The following EPAS1 variants were observed in gnomAD, a reference collection of about 807,000 sequenced individuals.
The protein encoded by EPAS1 is endothelial PAS domain protein 1, also known as endothelial PAS domain-containing protein 1.
In EPAS1, 23 loss-of-function variants were observed where a neutral mutation model predicts 87.9. The ratio of observed to expected loss-of-function variants is 0.26; its 90% confidence interval spans 0.19 to 0.37. The LOEUF is 0.37. EPAS1 is among the 10% of genes least tolerant of loss of function. EPAS1 has a pLI of 1.00. For synonymous variants in EPAS1, 508 were observed against 444.3 expected, an observed-to-expected ratio of 1.14 and a Z score of -1.80; for missense variants, 1,138 against 1,120.7, an observed-to-expected ratio of 1.02 and a Z score of -0.22.
At chr2:46,327,095 A>G (rs1263968056) in intron 1 of EPAS1, among the ~76,000 whole-genome samples, 1 of 152,224 alleles carries the variant, frequency 6.6e-6, no homozygotes, top group Non-Finnish European at 1.5e-5. Flanking sequence ...ACCTTGAGCT[A>G]GTGACTTACA....
chr2:46,351,396 G>A (rs1684141937), intron 2 of EPAS1, among the ~76,000 whole-genome samples: 1 of 152,164 alleles, frequency 6.6e-6, no homozygotes, highest in Non-Finnish European at 1.5e-5. Flanking sequence ...GACTCTCAGG[G>A]AGCCCAGGAA....
intron 7 of EPAS1, among the ~76,000 whole-genome samples, chr2:46,374,703 G>A (rs2103660242): frequency 6.6e-6 from 1 of 152,278 alleles, no homozygotes; most frequent in South Asian, 2.1e-4. Flanking sequence ...AAATTCCCAA[G>A]GAATGGGCAG....
intron 2 of EPAS1, among the ~76,000 whole-genome samples, chr2:46,349,278 T>A (rs1684096995): frequency 6.6e-6 from 1 of 152,146 alleles, no homozygotes; most frequent in African/African-American, 2.4e-5. Context: ...ATGCTTGCCC[T>A]CCTGAGCCTG....
At chr2:46,298,691 A>G (rs949063150) in intron 1 of EPAS1, among the ~76,000 whole-genome samples, 8 of 152,202 alleles carry the variant, frequency 5.3e-5, no homozygotes, top group African/African-American at 1.9e-4. Flanking sequence ...GGCAGCCACG[A>G]TCTGCCCGCC....
At chr2:46,325,570 A>G (rs1349300486) in intron 1 of EPAS1, among the ~76,000 whole-genome samples, 3 of 152,160 alleles carry the variant, frequency 2.0e-5, no homozygotes, top group African/African-American at 4.8e-5. Flanking sequence ...GGGTAATTGT[A>G]TGGTAGCTAG....
At chr2:46,321,697 C>T (rs1346645426) in intron 1 of EPAS1, among the ~76,000 whole-genome samples, 1 of 151,098 alleles carries the variant, frequency 6.6e-6, no homozygotes, top group Non-Finnish European at 1.5e-5. Context: ...CCCACCCCCG[C>T]ACCCCCACAA....
chr2:46,380,736 G>A lies in EPAS1; in HGVS notation c.2045+19G>A. Reference sequence around the variant, plus strand: ...AGACAAGGTAAGTGGCAGATACTCAGCTGTACCAGCAGGGCCGAACCGAGA... The same window carrying A: ...AGACAAGGTAAGTGGCAGATACTCAACTGTACCAGCAGGGCCGAACCGAGA... On this transcript the variant is annotated intron_variant, in intron 12 of 15. Transcript: ENST00000263734. This position sits in a 1 kb window ranked among gnomAD's most constrained non-coding sequence, Gnocchi z 4.4. The A allele has an allele frequency of 1.2e-6, 2 of 1,606,314 alleles. No homozygotes were observed.
intron 4 of EPAS1, among the ~76,000 whole-genome samples, chr2:46,359,763 G>A (rs1684350578): frequency 6.6e-6 from 1 of 152,166 alleles, no homozygotes; most frequent in African/African-American, 2.4e-5. Flanking sequence ...CTGGGTAGGG[G>A]GCAGGATTAT....
chr2:46,376,504 G>T, intron 8 of EPAS1, 35 bp from the exon 9 acceptor site: 1 of 1,610,260 alleles, frequency 6.2e-7, no homozygotes, highest in Non-Finnish European at 8.5e-7. Context: ...TCTAGAAAAT[G>T]TGGAAAGTCT....
chr2:46,314,048 A>T (rs1683267509), intron 1 of EPAS1, among the ~76,000 whole-genome samples: 1 of 152,020 alleles, frequency 6.6e-6, no homozygotes. Context: ...GAAACAACTG[A>T]GGCACAAAAA....
In EPAS1 at chr2:46,380,938, G is replaced by C. The variant is rs985805875; in HGVS notation, c.2045+221G>C. Reference sequence around the variant, plus strand: ...GCTGCCACTGAGGGCAGGCAAAGAAGTGGCTTGTTGAGAGCCCTGTACCTC... The same window carrying C: ...GCTGCCACTGAGGGCAGGCAAAGAACTGGCTTGTTGAGAGCCCTGTACCTC... On this transcript the variant is annotated intron_variant, in intron 12 of 15. Transcript: ENST00000263734. The surrounding 1 kb of genome is among the most constrained non-coding windows in gnomAD (Gnocchi z 4.4). Among the ~76,000 whole-genome samples the C allele has an allele frequency of 6.6e-6, 1 of 152,192 alleles. No individual in the cohort carries two copies. The highest frequency in any genetic ancestry group is 2.4e-5 in the African/African-American group (1 of 41,438).
chr2:46,356,127 T>TGGGG, intron 2 of EPAS1, 24 bp from the exon 3 acceptor site: 331 of 1,394,398 alleles, frequency 2.4e-4, no homozygotes, highest in Non-Finnish European at 3.0e-4. Context: ...TCATGCAAGC[T>TGGGG]GTCCCACCCC....
In EPAS1 at chr2:46,380,283, G is replaced by A. The variant is rs148051585; in HGVS notation, c.1611G>A (p.Gly537=). Residue 537 remains glycine (G), a synonymous_variant, in exon 12 of 16, where the codon GGG becomes GGA. Coordinates refer to ENST00000263734, the MANE Select transcript of EPAS1 (RefSeq NM_001430.5). This position sits in a 1 kb window ranked among gnomAD's most constrained non-coding sequence, Gnocchi z 4.4. ...ETLAPYIPMD[G]EDFQLSPICP... Reference sequence around the variant, plus strand: ...TGGCACCCTATATCCCCATGGACGGGGAAGACTTCCAGCTAAGCCCCATCT... The same window carrying A: ...TGGCACCCTATATCCCCATGGACGGAGAAGACTTCCAGCTAAGCCCCATCT... 8.1e-6 allele frequency: 13 copies of A among 1,613,838 alleles called. No individual in the cohort carries two copies. The African/African-American group carries it at 1.2e-4, about 15-fold the overall frequency.
intron 2 of EPAS1, among the ~76,000 whole-genome samples, chr2:46,348,246 G>C (rs1051631733): frequency 6.6e-6 from 1 of 152,272 alleles, no homozygotes; most frequent in South Asian, 2.1e-4. Context: ...AGAGCCAAGG[G>C]GGAAGATATG....
chr2:46,347,135 C>G lies in EPAS1; in HGVS notation c.217+72C>G. 6.4e-7 allele frequency: 1 copy of G among 1,568,626 alleles called. No individual in the cohort carries two copies. The highest frequency in any genetic ancestry group is 1.1e-5 in the South Asian group (1 of 90,078). On this transcript the variant is annotated intron_variant, in intron 2 of 15. Transcript: ENST00000263734. The surrounding 1 kb of genome is among the most constrained non-coding windows in gnomAD (Gnocchi z 4.2). ...AGCATGTTCCTATATGCAGGGGACC[C>G]TTCTGCTGCCAGAGCTGGAAAGTCA...
intron 1 of EPAS1, among the ~76,000 whole-genome samples, chr2:46,325,946 C>A (rs1210693521): frequency 6.6e-6 from 1 of 152,168 alleles, no homozygotes; most frequent in African/African-American, 2.4e-5. Flanking sequence ...CTGTAGTGAT[C>A]ACTTCCTGCA....
chr2:46,381,775 AG>A, intron 13 of EPAS1, 53 bp downstream of exon 13: 1 of 1,609,720 alleles, frequency 6.2e-7, no homozygotes, highest in Non-Finnish European at 8.5e-7. Flanking sequence ...TAGGGAACCC[AG>A]GGCTGCTGAG....
chr2:46,367,581 G>T (rs1177346382), intron 6 of EPAS1, among the ~76,000 whole-genome samples: 3 of 152,246 alleles, frequency 2.0e-5, no homozygotes, highest in Non-Finnish European at 4.4e-5. Flanking sequence ...CCAGGGTCAG[G>T]TTGCCAGATA....
chr2:46,378,648 G>C lies in EPAS1; in HGVS notation c.1444-9G>C, dbSNP rs745887097. 1 of 1,612,452 alleles carries C rather than the reference G, an allele frequency of 6.2e-7. No homozygotes were observed. The highest frequency in any genetic ancestry group is 1.1e-5 in the South Asian group (1 of 91,040). ...CTTTGACTCTGTCCCCCTCCTTCCT[G>C]GCCCCTAGCCCAATAGCCCTGAAGA... On this transcript the variant is annotated splice_polypyrimidine_tract_variant and intron_variant, in intron 10 of 15. Coordinates refer to ENST00000263734, the MANE Select transcript of EPAS1 (RefSeq NM_001430.5).
Sources: gnomAD v4.1 joint callset for allele counts (sites outside exome capture counted in the v4.1 genomes callset) on GRCh38, gnomAD v4.1.1 for gene constraint, Gnocchi (gnomAD v3.1) non-coding constraint, MANE v1.5 for transcripts, NCBI Gene and HGNC (gene_info 2026-07-23, HGNC 2026-07-21) for gene names.